ST6GALNAC3: variants seen among roughly 807,000 people sequenced by gnomAD.
ST6GALNAC3 encodes the protein ST6 N-acetylgalactosaminide alpha-2,6-sialyltransferase 3.
In ST6GALNAC3, 25 loss-of-function variants were observed where a neutral mutation model predicts 32.7. That is an observed-to-expected ratio of 0.76 (90% CI 0.56 to 1.07). The LOEUF (loss-of-function observed/expected upper bound fraction) is 1.07. ST6GALNAC3 is among the 50% of genes least tolerant of loss of function. The probability of loss-of-function intolerance (pLI) is 0.00; values close to 1 mark genes in which losing one functional copy is unlikely to be tolerated. For synonymous variants in ST6GALNAC3, 129 were observed against 133.1 expected (o/e 0.97, Z 0.21); for missense variants, 355 against 382.4 (o/e 0.93, Z 0.60).
At chr1:76,540,609 A>G (rs956823747) in intron 3 of ST6GALNAC3, among the ~76,000 whole-genome samples, 2 of 152,160 alleles carry the variant, frequency 1.3e-5, no homozygotes, top group East Asian at 3.9e-4. Flanking sequence ...TTGTGGGGCT[A>G]TATTATCACA....
Position 76,259,987 on chromosome 1 carries a change from C to A in ST6GALNAC3, c.19-53818C>A, listed in dbSNP as rs570937451. ...ATCTCTCTTGCTTTAGTTTTGCTTT[C>A]TTCTTCTTCTTTTTCTTTTTCTTTT... On this transcript the variant is annotated intron_variant, in intron 1 of 4. Coordinates refer to ENST00000328299, the MANE Select transcript of ST6GALNAC3 (RefSeq NM_152996.4). Among the ~76,000 whole-genome samples the A allele has an allele frequency of 2.6e-3, 391 of 152,074 alleles. 3 individuals carry two copies. Among genetic ancestry groups the A allele is most frequent in the Non-Finnish European group, 3.2e-3 (215 of 67,990 alleles).
chr1:76,124,522 C>T (rs529623046), intron 1 of ST6GALNAC3, among the ~76,000 whole-genome samples: 2 of 152,260 alleles, frequency 1.3e-5, no homozygotes, highest in South Asian at 4.2e-4. Context: ...TATTAAAAAG[C>T]TGTATTGACT....
chr1:76,375,549 C>T (rs1651154433), intron 2 of ST6GALNAC3, among the ~76,000 whole-genome samples: 1 of 152,108 alleles, frequency 6.6e-6, no homozygotes, highest in Non-Finnish European at 1.5e-5. Flanking sequence ...CTTGTCATTT[C>T]CCAAGTTCAG....
chr1:76,576,029 T>C (rs532166070), intron 3 of ST6GALNAC3, among the ~76,000 whole-genome samples: 1 of 152,078 alleles, frequency 6.6e-6, no homozygotes, highest in Admixed American at 6.6e-5. Flanking sequence ...ATATCATCAT[T>C]AGTCTGAGAC....
chr1:76,242,320 C>G (rs1257602148), intron 1 of ST6GALNAC3, among the ~76,000 whole-genome samples: 3 of 152,022 alleles, frequency 2.0e-5, no homozygotes. Flanking sequence ...TGGTTCCTAG[C>G]TGGGATGAGC....
In ST6GALNAC3 at chr1:76,489,850, G is replaced by A. The variant is rs571015024; in HGVS notation, c.623+77433G>A. Among the ~76,000 whole-genome samples the A allele has an allele frequency of 2.1e-3, 323 of 152,218 alleles. 2 individuals are homozygous for A. The highest frequency in any genetic ancestry group is 7.5e-3 in the African/African-American group (310 of 41,546). On this transcript the variant is annotated intron_variant, in intron 3 of 4. Coordinates refer to ENST00000328299, the MANE Select transcript of ST6GALNAC3 (RefSeq NM_152996.4). The stretch of plus-strand genomic sequence containing the variant: ...TCGCTGTTAGTTCTCTGAGCCTGGC[G>A]TATAGTTCCAGTTGTACCTGGTTGA...
intron 3 of ST6GALNAC3, among the ~76,000 whole-genome samples, chr1:76,466,062 TATAAA>T (rs1658606033): frequency 6.6e-6 from 1 of 152,152 alleles, no homozygotes; most frequent in African/African-American, 2.4e-5. Context: ...AGGATGCTCA[TATAAA>T]AATAAATTGT....
At chr1:76,279,521 G>A (rs1052897553) in intron 1 of ST6GALNAC3, among the ~76,000 whole-genome samples, 3 of 152,218 alleles carry the variant, frequency 2.0e-5, no homozygotes, top group African/African-American at 2.4e-5. Flanking sequence ...CAGAAGAAAC[G>A]GGAAAGAGGA....
At chr1:76,195,591 A>T (rs1654157461) in intron 1 of ST6GALNAC3, among the ~76,000 whole-genome samples, 1 of 152,240 alleles carries the variant, frequency 6.6e-6, no homozygotes. Flanking sequence ...CACTGCCTTA[A>T]TTTGTGCTAA....
At chr1:76,383,853 A>G (rs1484939580) in intron 2 of ST6GALNAC3, among the ~76,000 whole-genome samples, 1 of 152,188 alleles carries the variant, frequency 6.6e-6, no homozygotes, top group Non-Finnish European at 1.5e-5. Flanking sequence ...CTAGTAAGCC[A>G]AGAATTAATA....
intron 1 of ST6GALNAC3, among the ~76,000 whole-genome samples, chr1:76,301,557 A>T (rs1660727310): frequency 6.6e-6 from 1 of 152,044 alleles, no homozygotes. Context: ...TTCAGAATTG[A>T]TAGGAAAACT....
At chr1:76,628,550 G>C in intron 4 of ST6GALNAC3, 70 bp from the exon 5 acceptor site, 1 of 1,394,166 alleles carries the variant, frequency 7.2e-7, no homozygotes, top group Non-Finnish European at 9.5e-7. Flanking sequence ...GCACATAATG[G>C]ATTCTTGTAA....
At chr1:76,292,613 A>C (rs1660163349) in intron 1 of ST6GALNAC3, among the ~76,000 whole-genome samples, 1 of 152,214 alleles carries the variant, frequency 6.6e-6, no homozygotes, top group Admixed American at 6.5e-5. Context: ...ACTAAAGTTG[A>C]AAAGAGGTTA....
At chr1:76,607,533 G>A (rs1172341782) in intron 3 of ST6GALNAC3, among the ~76,000 whole-genome samples, 1 of 152,088 alleles carries the variant, frequency 6.6e-6, no homozygotes, top group East Asian at 1.9e-4. Flanking sequence ...AAGGGTCTTC[G>A]AAGTGCTTGT....
intron 3 of ST6GALNAC3, among the ~76,000 whole-genome samples, chr1:76,495,148 C>T (rs1660773896): frequency 6.6e-6 from 1 of 152,054 alleles, no homozygotes; most frequent in South Asian, 2.1e-4. Flanking sequence ...CAGACATGCC[C>T]AGGATAATGT....
At chr1:76,276,773 A>G (rs1659157961) in intron 1 of ST6GALNAC3, among the ~76,000 whole-genome samples, 1 of 152,236 alleles carries the variant, frequency 6.6e-6, no homozygotes, top group Non-Finnish European at 1.5e-5. Flanking sequence ...AATATTTTCA[A>G]TATAAGTAGA....
chr1:76,200,250 T>C (rs531189309), intron 1 of ST6GALNAC3, among the ~76,000 whole-genome samples: 4 of 152,334 alleles, frequency 2.6e-5, no homozygotes, highest in Admixed American at 2.0e-4. Flanking sequence ...CTTTTGTGTG[T>C]GGCCATTTTC....
chr1:76,477,321 A>G (rs1481999927), intron 3 of ST6GALNAC3, among the ~76,000 whole-genome samples: 2 of 152,000 alleles, frequency 1.3e-5, no homozygotes, highest in Non-Finnish European at 2.9e-5. Flanking sequence ...CATTGACCAC[A>G]TTCTTAATGC....
Position 76,630,328 on chromosome 1 carries a change from A to G in ST6GALNAC3, c.*1522A>G, listed in dbSNP as rs1649227620. The G allele has an allele frequency of 5.1e-6, 5 of 985,224 alleles. No individual in the cohort carries two copies. The highest frequency in any genetic ancestry group is 6.0e-6 in the Non-Finnish European group (5 of 829,816). The allele number at this position is 985,224 out of a possible 1,614,324, so 61.0% of individuals were successfully genotyped here. A position where few individuals can be genotyped will look rare whatever the true frequency, so the allele number is the denominator to read the frequency against. On this transcript the variant is annotated 3_prime_UTR_variant, in exon 5 of 5. Transcript: ENST00000328299. ...TTGAGAAGTTTTTCTATATACGTAT[A>G]TATACACGTGTGGTTCTATTTAGGT... is the stretch of plus-strand genomic sequence containing the variant.
Sources: allele counts gnomAD v4.1 joint callset (sites outside exome capture counted in the v4.1 genomes callset), GRCh38; gene constraint gnomAD v4.1.1; transcripts MANE v1.5; gene names NCBI Gene and HGNC (gene_info 2026-07-23, HGNC 2026-07-21).